KCNU1: variants seen among roughly 807,000 people sequenced by gnomAD.
KCNU1 encodes the protein potassium channel subfamily U member 1.
A neutral mutation model predicts 126.8 loss-of-function variants in KCNU1; 93 were observed. The observed-to-expected ratio is 0.73, with a 90% confidence interval of 0.62 to 0.87. The LOEUF (loss-of-function observed/expected upper bound fraction) is 0.87. KCNU1 is among the 40% of genes least tolerant of loss of function. KCNU1 has a pLI of 0.00. For synonymous variants in KCNU1, 523 were observed against 494.2 expected (o/e 1.06, Z -0.77); for missense variants, 1,330 against 1,367.1 (o/e 0.97, Z 0.43).
rs756811069 is a variant in KCNU1 at position 36,864,420 on chromosome 8, A to T, written c.1908A>T (p.Arg636Ser). 1 of 1,605,766 alleles carries T rather than the reference A, an allele frequency of 6.2e-7. No individual in the cohort carries two copies. Among genetic ancestry groups the T allele is most frequent in the South Asian group, 1.1e-5 (1 of 90,880 alleles). ...CTATTGCAGTGCCATCGGTAAAGAG[A>T]ATGAAAAAATGTCTGAAGGGAATCT... ...RQHITVPSVK[R>S]MKKCLKGISS... The change falls in exon 19 of 27, where the codon AGA (arginine) becomes AGT (serine). Residue 636 changes from arginine (R) to serine (S), a missense_variant. Physicochemically the swap from Arg to Ser is moderately radical, Grantham distance 110 (BLOSUM62 -1). Transcript: ENST00000399881.
chr8:36,917,316 T>A (rs565923432), intron 22 of KCNU1, among the ~76,000 whole-genome samples: 66 of 152,102 alleles, frequency 4.3e-4, no homozygotes, highest in Non-Finnish European at 7.8e-4. Context: ...CTTTTTCTTT[T>A]TCATGGCACC....
intron 18 of KCNU1, among the ~76,000 whole-genome samples, chr8:36,847,769 C>A (rs1264074683): frequency 6.6e-6 from 1 of 152,166 alleles, no homozygotes; most frequent in Non-Finnish European, 1.5e-5. Context: ...TATAGTCCTA[C>A]AATAAACATG....
At position 36,931,144 on chromosome 8, in the gene KCNU1, A is replaced by T; in HGVS notation, c.2930A>T (p.Asn977Ile). The change falls in exon 25 of 27, where the codon AAT becomes ATT. Residue 977 changes from asparagine to isoleucine, a missense_variant and splice_region_variant. Around this residue, in one of 3 missense-constraint regions of KCNU1, gnomAD observed 1,054 missense variants for 1,053.9 expected, o/e 1.00. Transcript: ENST00000399881. Reference sequence around the variant, plus strand: ...CACGAAACCATTTTATCAGACGTTAATGTGAGTCTACTCTTCTCAGAATTC... The same window carrying T: ...CACGAAACCATTTTATCAGACGTTATTGTGAGTCTACTCTTCTCAGAATTC... ...SLHETILSDVNPRNTFGQLFC... is the reference protein window; with the variant it reads ...SLHETILSDVIPRNTFGQLFC... 6.2e-7 allele frequency: 1 copy of T among 1,601,142 alleles called. No individual in the cohort carries two copies. The highest frequency in any genetic ancestry group is 8.5e-7 in the Non-Finnish European group (1 of 1,173,426).
chr8:36,874,249 A>G (rs999240688), intron 19 of KCNU1, among the ~76,000 whole-genome samples: 2 of 152,202 alleles, frequency 1.3e-5, no homozygotes, highest in Non-Finnish European at 2.9e-5. Context: ...TTTTTTATTT[A>G]TAAGCCCATC....
intron 19 of KCNU1, among the ~76,000 whole-genome samples, chr8:36,896,001 A>G (rs1234738297): frequency 1.3e-5 from 2 of 152,084 alleles, no homozygotes; most frequent in Non-Finnish European, 2.9e-5. Context: ...CAAAGATAAA[A>G]TATGTTAAAT....
intron 2 of KCNU1, among the ~76,000 whole-genome samples, chr8:36,802,802 A>G (rs953098488): frequency 1.3e-5 from 2 of 152,084 alleles, no homozygotes; most frequent in East Asian, 3.8e-4. Flanking sequence ...GATGATTTGC[A>G]TATTAATTAT....
At chr8:36,918,938 T>G (rs139065520) in intron 23 of KCNU1, 41 bp downstream of exon 23, 10 of 1,227,354 alleles carry the variant, frequency 8.1e-6, no homozygotes, top group African/African-American at 6.0e-5. Flanking sequence ...GGAGAAATTT[T>G]TGTGATATAT....
intron 2 of KCNU1, among the ~76,000 whole-genome samples, chr8:36,794,577 C>T (rs967675416): frequency 6.6e-6 from 1 of 151,926 alleles, no homozygotes; most frequent in African/African-American, 2.4e-5. Context: ...TCAGGATGAG[C>T]ATTTTCTCAT....
intron 24 of KCNU1, among the ~76,000 whole-genome samples, chr8:36,925,521 G>T (rs1256286186): frequency 1.3e-5 from 2 of 152,188 alleles, no homozygotes; most frequent in East Asian, 3.9e-4. Flanking sequence ...AATTGTGAAT[G>T]CTGATAATTT....
chr8:36,889,838 A>G (rs1254498234), intron 19 of KCNU1, among the ~76,000 whole-genome samples: 1 of 151,796 alleles, frequency 6.6e-6, no homozygotes, highest in African/African-American at 2.4e-5. Context: ...AACTGCTAAG[A>G]AAAAAAAGAG....
chr8:36,909,450 A>G lies in KCNU1; in HGVS notation c.2246A>G (p.Lys749Arg). 1 of 1,613,646 alleles carries G rather than the reference A, an allele frequency of 6.2e-7. No individual in the cohort carries two copies. The highest frequency in any genetic ancestry group is 1.1e-5 in the South Asian group (1 of 91,074). Residue 749 changes from lysine to arginine, a missense_variant, in exon 21 of 27, where the codon AAG (lysine) becomes AGG (arginine). Physicochemically the swap from Lys to Arg is conservative, Grantham distance 26. Around this residue, in one of 3 missense-constraint regions of KCNU1, gnomAD observed 1,054 missense variants for 1,053.9 expected, o/e 1.00. Coordinates refer to ENST00000399881, the MANE Select transcript of KCNU1 (RefSeq NM_001031836.3). ...AGCAACTATACCAGGAAGGAGCTGA[A>G]GGACATAGTGTTCATTGGGTCTCTG... ...RASNYTRKELKDIVFIGSLDY... is the reference protein window; with the variant it reads ...RASNYTRKELRDIVFIGSLDY...
At chr8:36,788,514 T>A (rs557253351) in intron 2 of KCNU1, among the ~76,000 whole-genome samples, 1 of 152,348 alleles carries the variant, frequency 6.6e-6, no homozygotes, top group South Asian at 2.1e-4. Context: ...AGTAGTTTCA[T>A]GTGAGCTAAA....
chr8:36,837,230 G>A (rs971773231), intron 14 of KCNU1, among the ~76,000 whole-genome samples: 1 of 151,824 alleles, frequency 6.6e-6, no homozygotes, highest in African/African-American at 2.4e-5. Flanking sequence ...TTAAATCAAA[G>A]TACATTCATC....
intron 2 of KCNU1, among the ~76,000 whole-genome samples, chr8:36,800,663 A>C (rs1284704169): frequency 6.6e-6 from 1 of 152,202 alleles, no homozygotes; most frequent in East Asian, 1.9e-4. Context: ...CAGCTCTTCC[A>C]GATTTTGCTC....
intron 19 of KCNU1, among the ~76,000 whole-genome samples, chr8:36,886,493 A>T (rs1806708499): frequency 6.6e-6 from 1 of 152,168 alleles, no homozygotes; most frequent in Admixed American, 6.5e-5. Flanking sequence ...GTGCCTCCAG[A>T]AAAAAACAGA....
chr8:36,787,356 C>T lies in KCNU1; in HGVS notation c.246C>T (p.His82=), dbSNP rs886773897. 1 of 1,612,680 alleles carries T rather than the reference C, an allele frequency of 6.2e-7. No individual in the cohort carries two copies. Among genetic ancestry groups the T allele is most frequent in the Admixed American group, 1.7e-5 (1 of 59,898 alleles). Residue 82 remains histidine, a synonymous_variant, in exon 2 of 27, where the codon CAC becomes CAT. Coordinates refer to ENST00000399881, the MANE Select transcript of KCNU1 (RefSeq NM_001031836.3). The part of the protein sequence containing the change: ...TIARSHVRSL[H]FQGQFRDHIE... Reference sequence around the variant, plus strand: ...CTAGGAGCCATGTAAGAAGCCTCCACTTCCAGGGACAATTTCGTGATCATA... The same window carrying T: ...CTAGGAGCCATGTAAGAAGCCTCCATTTCCAGGGACAATTTCGTGATCATA...
chr8:36,800,824 A>AG (rs1275948407), intron 2 of KCNU1, among the ~76,000 whole-genome samples: 1 of 152,244 alleles, frequency 6.6e-6, no homozygotes, highest in Non-Finnish European at 1.5e-5. Context: ...GGTTTGAAAA[A>AG]GGAAAGTGTT....
chr8:36,900,870 C>T (rs557623620), intron 19 of KCNU1, among the ~76,000 whole-genome samples: 1 of 152,146 alleles, frequency 6.6e-6, no homozygotes, highest in African/African-American at 2.4e-5. Context: ...GCTTTTCCCT[C>T]CTTCTATATA....
chr8:36,918,979 C>T, intron 23 of KCNU1, 82 bp downstream of exon 23: 1 of 908,564 alleles, frequency 1.1e-6, no homozygotes. Flanking sequence ...TTTTAGAATG[C>T]ACAATCACAG....
Sources: allele counts gnomAD v4.1 joint callset (sites outside exome capture counted in the v4.1 genomes callset), GRCh38; gene constraint gnomAD v4.1.1; regional missense constraint gnomAD v4.1.1; transcripts MANE v1.5; gene names NCBI Gene and HGNC (gene_info 2026-07-23, HGNC 2026-07-21).